STX8: variants seen among roughly 807,000 people sequenced by gnomAD.
The protein encoded by STX8 is syntaxin 8.
STX8 carries 23 observed loss-of-function variants against 37.5 expected under a neutral mutation model. The ratio of observed to expected loss-of-function variants is 0.61; its 90% CI spans 0.44 to 0.87. The LOEUF (loss-of-function observed/expected upper bound fraction) is 0.87. STX8 is among the 40% of genes least tolerant of loss of function. The pLI is 0.00. For synonymous variants in STX8, 115 were observed against 99.1 expected, an observed-to-expected ratio of 1.16 and a Z score of -0.95; for missense variants, 313 against 284.7, an observed-to-expected ratio of 1.10 and a Z score of -0.71.
At chr17:9,529,638 G>A (rs994510720) in intron 4 of STX8, among the ~76,000 whole-genome samples, 5 of 152,208 alleles carry the variant, frequency 3.3e-5, no homozygotes, top group Non-Finnish European at 7.3e-5. Flanking sequence ...CTTTATAGGA[G>A]TGGCATCATA....
intron 4 of STX8, among the ~76,000 whole-genome samples, chr17:9,530,132 C>T (rs1325692731): frequency 1.3e-5 from 2 of 151,972 alleles, no homozygotes; most frequent in Non-Finnish European, 2.9e-5. Flanking sequence ...ACAGTGAAAC[C>T]CCGTTTCTAC....
Position 9,436,213 on chromosome 17 carries a change from C to T in STX8, c.541+55616G>A, listed in dbSNP as rs1042936791. ...AAAAAAAAATAGCTGGGAGTGGTGA[C>T]GGGCGCCTGTAGTCCCAGCTACTTG... On this transcript the variant is annotated intron_variant, in intron 6 of 7. Coordinates refer to ENST00000306357, the MANE Select transcript of STX8 (RefSeq NM_004853.3). 7.3e-5 allele frequency among the ~76,000 whole-genome samples: 11 copies of T among 151,298 alleles called. 1 individual carries two copies. The East Asian group carries it at 9.7e-4, about 13-fold the overall frequency.
At chr17:9,452,389 T>C (rs1346390668) in intron 6 of STX8, 1 of 152,056 alleles carries the variant, frequency 6.6e-6, no homozygotes, top group Non-Finnish European at 1.5e-5. Flanking sequence ...AAATCTTTGC[T>C]CAACTAGAAG....
chr17:9,461,433 C>T (rs527646239), intron 6 of STX8: 22 of 152,328 alleles, frequency 1.4e-4, no homozygotes, highest in African/African-American at 5.1e-4. Flanking sequence ...ATTATGAATA[C>T]ATTGTTCCTT....
intron 7 of STX8, among the ~76,000 whole-genome samples, chr17:9,317,880 T>A (rs1909442377): frequency 6.6e-6 from 1 of 151,706 alleles, no homozygotes; most frequent in African/African-American, 2.4e-5. Context: ...TAGAACAGAG[T>A]CCTCTGCTTT....
chr17:9,282,841 A>C (rs765720094), intron 7 of STX8, among the ~76,000 whole-genome samples: 6 of 152,208 alleles, frequency 3.9e-5, no homozygotes, highest in African/African-American at 1.2e-4. Context: ...GAAAATATCC[A>C]GGCAAGAGCT....
At chr17:9,538,910 T>C (rs1906165233) in intron 4 of STX8, among the ~76,000 whole-genome samples, 1 of 152,156 alleles carries the variant, frequency 6.6e-6, no homozygotes, top group Non-Finnish European at 1.5e-5. Flanking sequence ...ATTGTGAGAT[T>C]TAGCAATGCT....
chr17:9,455,770 G>A lies in STX8; in HGVS notation c.541+36059C>T, dbSNP rs1905169589. 2.6e-5 allele frequency among the ~76,000 whole-genome samples: 4 copies of A among 152,308 alleles called. No homozygotes were observed. The South Asian group carries it at 8.3e-4, about 32-fold the overall frequency. On this transcript the variant is annotated intron_variant, in intron 6 of 7. Transcript: ENST00000306357. ...TCAGCAACAGTCAATGTCCTCTGCA[G>A]ACAGTACATACAATATTATTCACAA... is the stretch of plus-strand genomic sequence containing the variant.
At chr17:9,477,979 G>A (rs545912084) in intron 6 of STX8, among the ~76,000 whole-genome samples, 4 of 152,082 alleles carry the variant, frequency 2.6e-5, no homozygotes, top group East Asian at 1.9e-4. Flanking sequence ...ATATCCACAC[G>A]GGTGTGGAAA....
rs779294756 is a variant in STX8 at position 9,491,886 on chromosome 17, T to C, written c.484A>G (p.Ile162Val). The change falls in exon 6 of 8, where the codon ATA (isoleucine) becomes GTA (valine). Residue 162 changes from isoleucine (I) to valine (V), a missense_variant. Physicochemically the swap from Ile to Val is conservative, Grantham distance 29. Coordinates refer to ENST00000306357, the MANE Select transcript of STX8 (RefSeq NM_004853.3). ...TGCCCCATTTGTTTTTGGCGACTTA[T>C]GATAGAGGAAAGGGCATCAAGGCCT... is the stretch of plus-strand genomic sequence containing the variant. The part of the protein sequence containing the change: ...DAGLDALSSI[I>V]SRQKQMGQEI... 6 of 1,613,822 alleles carry C rather than the reference T, an allele frequency of 3.7e-6. No individual in the cohort carries two copies. The highest frequency in any genetic ancestry group is 4.5e-5 in the East Asian group (2 of 44,870).
chr17:9,545,906 C>T (rs9903213), intron 3 of STX8, among the ~76,000 whole-genome samples: 61,773 of 151,986 alleles, frequency 0.41, 13,337 homozygotes, highest in African/African-American at 0.55. Context: ...TAAATGACTT[C>T]TCCTGCCAAT....
chr17:9,567,531 G>A (rs1907507719), intron 2 of STX8, among the ~76,000 whole-genome samples: 1 of 152,216 alleles, frequency 6.6e-6, no homozygotes, highest in African/African-American at 2.4e-5. Flanking sequence ...AATTTGGAAT[G>A]TGGAAAATAA....
chr17:9,267,626 A>G (rs1406842446), intron 7 of STX8, among the ~76,000 whole-genome samples: 2 of 152,250 alleles, frequency 1.3e-5, no homozygotes, highest in Non-Finnish European at 1.5e-5. Context: ...AGACTCTATC[A>G]TGAAAACAGA....
At chr17:9,525,118 G>A (rs12936418) in intron 4 of STX8, among the ~76,000 whole-genome samples, 73,233 of 151,688 alleles carry the variant, frequency 0.48, 18,210 homozygotes, top group Middle Eastern at 0.55. Context: ...CAACACCCAC[G>A]CTTTTAACTA....
intron 6 of STX8, among the ~76,000 whole-genome samples, chr17:9,409,452 A>G (rs1912909624): frequency 6.6e-6 from 1 of 152,206 alleles, no homozygotes; most frequent in South Asian, 2.1e-4. Flanking sequence ...AGCATGAATC[A>G]CGGATTTCCC....
intron 7 of STX8, among the ~76,000 whole-genome samples, chr17:9,266,757 C>T (rs1342131035): frequency 2.0e-5 from 3 of 151,822 alleles, no homozygotes; most frequent in Admixed American, 6.6e-5. Context: ...CCAAGGGCCA[C>T]GGTGGGGAGG....
At chr17:9,518,101 C>T (rs762963438) in intron 4 of STX8, among the ~76,000 whole-genome samples, 2 of 151,034 alleles carry the variant, frequency 1.3e-5, no homozygotes, top group Non-Finnish European at 2.9e-5. Context: ...AGTTCTTCTC[C>T]ATCCTATAAA....
At chr17:9,324,765 C>CAAAAAAAAAA (rs534392223) in intron 7 of STX8, among the ~76,000 whole-genome samples, 1 of 45,944 alleles carries the variant, frequency 2.2e-5, no homozygotes, top group African/African-American at 7.4e-5. Flanking sequence ...AACTCCATCT[C>CAAAAAAAAAA]AAAAAAAAAA....
intron 6 of STX8, among the ~76,000 whole-genome samples, chr17:9,381,823 G>T (rs1050885128): frequency 2.0e-5 from 3 of 152,134 alleles, no homozygotes; most frequent in Non-Finnish European, 4.4e-5. Flanking sequence ...ACCAAAATTA[G>T]CTGGGCATGG....
Sources: allele counts gnomAD v4.1 joint callset (sites outside exome capture counted in the v4.1 genomes callset), GRCh38; gene constraint gnomAD v4.1.1; transcripts MANE v1.5; gene names NCBI Gene and HGNC (gene_info 2026-07-23, HGNC 2026-07-21).